Variants in LIG1 observed in about 807,000 individuals in gnomAD.
The protein encoded by LIG1 is ligase I, DNA, ATP-dependent.
In LIG1, 70 loss-of-function variants were observed where a neutral mutation model predicts 115.7. The observed-to-expected ratio is 0.60, with a 90% CI of 0.50 to 0.74. The LOEUF is 0.74. Among genes scored for constraint, LIG1 ranks in the 30% least tolerant of loss-of-function variants. The pLI, the probability that LIG1 is intolerant of heterozygous loss-of-function variation, is 0.00. For synonymous variants in LIG1, 487 were observed against 495.3 expected, an observed-to-expected ratio of 0.98 and a Z score of 0.22; for missense variants, 1,115 against 1,225.6, an observed-to-expected ratio of 0.91 and a Z score of 1.35.
intron 20 of LIG1, 159 bp downstream of exon 20, chr19:48,127,751 G>A (rs914383304): frequency 1.2e-5 from 9 of 762,976 alleles, no homozygotes; most frequent in African/African-American, 1.0e-4. Flanking sequence ...ATGAGAATGC[G>A]ATGGCTGGAG....
At chr19:48,157,726 T>G (rs529744652) in intron 4 of LIG1, among the ~76,000 whole-genome samples, 81 of 152,146 alleles carry the variant, frequency 5.3e-4, no homozygotes, top group African/African-American at 1.9e-3. Flanking sequence ...TGTATTTTTT[T>G]TATAGAGATG....
At position 48,133,103 on chromosome 19, in the gene LIG1, A is replaced by T; in HGVS notation, c.1610-6T>A. 1 of 1,583,640 alleles carries T rather than the reference A, an allele frequency of 6.3e-7. No individual in the cohort carries two copies. Among genetic ancestry groups the T allele is most frequent in the Non-Finnish European group, 8.7e-7 (1 of 1,152,284 alleles). ...CATTGGTTTCAGGGGAATCCCTGGG[A>T]AAGGAGGAGAGTGAGTTAGAGGAGA... On this transcript the variant is annotated splice_region_variant and splice_polypyrimidine_tract_variant and intron_variant, in intron 17 of 27. Transcript: ENST00000263274.
At position 48,139,868 on chromosome 19, in the gene LIG1, G is replaced by A. The variant is rs2034626703; in HGVS notation, c.1087+103C>T. On this transcript the variant is annotated intron_variant, in intron 12 of 27. Transcript: ENST00000263274. ...CCCTCTCAGCCTTCTCCTCAACCCT[G>A]TTTCACAGCCTCTCTCCACCATCTC... The A allele has an allele frequency of 6.6e-6, 9 of 1,373,032 alleles. No individual in the cohort carries two copies. The Middle Eastern group carries it at 5.3e-4, about 81-fold the overall frequency. 85.1% of individuals were successfully genotyped at this position (1,373,032 alleles called of 1,614,324 possible).
chr19:48,161,433 G>A lies in LIG1; in HGVS notation c.182C>T (p.Ala61Val). The change falls in exon 4 of 28, where the codon GCC becomes GTC. Residue 61 changes from alanine (A) to valine (V), a missense_variant. By Grantham distance (64) the Ala-to-Val change is moderately conservative (BLOSUM62 0). Transcript: ENST00000263274. ...TTCCCCTTCGCTGCCCAGGACCCGG[G>A]CCGCCTTCCTCCCTGGCCTCTTCAC... ...SPVKRPGRKA[A>V]RVLGSEGEEE... 1 of 1,614,128 alleles carries A rather than the reference G, an allele frequency of 6.2e-7. No individual in the cohort carries two copies. Among genetic ancestry groups the A allele is most frequent in the Non-Finnish European group, 8.5e-7 (1 of 1,180,026 alleles).
chr19:48,121,782 T>C (rs1370574673), intron 23 of LIG1, among the ~76,000 whole-genome samples: 1 of 152,034 alleles, frequency 6.6e-6, no homozygotes, highest in Non-Finnish European at 1.5e-5. Flanking sequence ...GCCTGGGCAA[T>C]GAGAGTGAAA....
chr19:48,140,210 TG>T, intron 11 of LIG1, 67 bp from the exon 12 acceptor site: 1 of 1,154,250 alleles, frequency 8.7e-7, no homozygotes, highest in Non-Finnish European at 1.3e-6. Flanking sequence ...CGGGGTGGGG[TG>T]GGTTTAAGGG....
chr19:48,158,439 T>C (rs2035982396), intron 4 of LIG1, among the ~76,000 whole-genome samples: 4 of 152,188 alleles, frequency 2.6e-5, no homozygotes, highest in Admixed American at 2.6e-4. Context: ...AAAATAAGTT[T>C]GCGTCTTGCC....
At chr19:48,119,763 G>A (rs936607166) in intron 24 of LIG1, among the ~76,000 whole-genome samples, 4 of 151,662 alleles carry the variant, frequency 2.6e-5, no homozygotes, top group Admixed American at 1.3e-4. Context: ...GGCTGGTCCC[G>A]AACTCCTGGG....
intron 11 of LIG1, among the ~76,000 whole-genome samples, chr19:48,142,447 A>AAAAAAAAAAAAAAAAAAAC (rs1431505727): frequency 6.7e-6 from 1 of 150,024 alleles, no homozygotes; most frequent in Non-Finnish European, 1.5e-5. Context: ...CATCTCAAAA[A>AAAAAAAAAAAAAAAAAAAC]AAAAAAAAAA....
At chr19:48,134,164 G>C (rs2034229612) in intron 16 of LIG1, 98 bp from the exon 17 acceptor site, 1 of 1,112,184 alleles carries the variant, frequency 9.0e-7, no homozygotes, top group Non-Finnish European at 1.3e-6. Context: ...TGGGCTCCTG[G>C]ATGCCTCTGC....
intron 19 of LIG1, 78 bp downstream of exon 19, chr19:48,130,998 C>T: frequency 8.5e-7 from 1 of 1,170,384 alleles, no homozygotes; most frequent in Non-Finnish European, 1.3e-6. Context: ...CTGTGCCACA[C>T]TGGCCTAGAT....
rs1599761140 is a variant in LIG1 at position 48,128,689 on chromosome 19, ACT to A, written c.1822-671_1822-670del. On this transcript the variant is annotated intron_variant, in intron 19 of 27. Transcript: ENST00000263274. ...AAGCCTTCTTTTCCCTCAAGGGAACACTGTTGCCCAAGCCGGGGGCAGCATTC... is the reference window on the plus strand; with the variant it reads ...AAGCCTTCTTTTCCCTCAAGGGAACAGTTGCCCAAGCCGGGGGCAGCATTC... Among the ~76,000 whole-genome samples, 5 of 152,326 alleles carry A rather than the reference ACT, an allele frequency of 3.3e-5. No homozygotes were observed. In the East Asian group the frequency reaches 9.6e-4, roughly 29 times the overall value.
chr19:48,124,179 C>CCT (rs1426105428), intron 21 of LIG1, among the ~76,000 whole-genome samples: 1 of 152,226 alleles, frequency 6.6e-6, no homozygotes, highest in Admixed American at 6.5e-5. Context: ...ACCTTCACCA[C>CCT]TTGCCCTCCA....
chr19:48,164,866 G>C (rs2036392848), intron 2 of LIG1, among the ~76,000 whole-genome samples: 1 of 152,204 alleles, frequency 6.6e-6, no homozygotes. Context: ...TGTTGGGGGG[G>C]CTGTCCTATG....
chr19:48,116,880 C>A (rs1272678247), intron 26 of LIG1, among the ~76,000 whole-genome samples: 1 of 152,194 alleles, frequency 6.6e-6, no homozygotes, highest in African/African-American at 2.4e-5. Context: ...GTGGCCCACA[C>A]CTGTAATCCC....
intron 7 of LIG1, 59 bp from the exon 8 acceptor site, chr19:48,150,269 CTTTTTTTTT>C (rs1412963492): frequency 1.3e-6 from 2 of 1,599,100 alleles, no homozygotes; most frequent in East Asian, 2.2e-5. Context: ...CTTTTTTTTT[CTTTTTTTTT>C]ACCCCCAAGA....
rs535022431 is a variant in LIG1 at position 48,154,398 on chromosome 19, G to A, written c.371-431C>T. 2.3e-4 allele frequency: 55 copies of A among 244,056 alleles called. 2 individuals carry two copies. In the South Asian group the frequency reaches 2.9e-3, roughly 13 times the overall value. The allele number at this position is 244,056 out of a possible 1,614,324, so 15.1% of individuals were successfully genotyped here. Reference sequence around the variant, plus strand: ...GCCCCAGGAGAGGCCCTCACCCCACGATCGGCAGGAGTTGGTGTATAAATA... The same window carrying A: ...GCCCCAGGAGAGGCCCTCACCCCACAATCGGCAGGAGTTGGTGTATAAATA... On this transcript the variant is annotated intron_variant, in intron 5 of 27. Transcript: ENST00000263274.
At position 48,130,036 on chromosome 19, in the gene LIG1, G is replaced by A. The variant is rs1470870801; in HGVS notation, c.1821+1040C>T. ...CTCCCAAAGTGCTGGGATTACAGGC[G>A]TGGGCCACTGCGCCCAGCGGAAATA... On this transcript the variant is annotated intron_variant, in intron 19 of 27. Coordinates refer to ENST00000263274, the MANE Select transcript of LIG1 (RefSeq NM_000234.3). Among the ~76,000 whole-genome samples, 9 of 152,238 alleles carry A rather than the reference G, an allele frequency of 5.9e-5. No individual in the cohort carries two copies. In the East Asian group the frequency reaches 9.6e-4, roughly 16 times the overall value.
In LIG1 at chr19:48,152,995, G is replaced by A. The variant is rs567598674; in HGVS notation, c.466+877C>T. ...GCAGATCATGTGAGCTCAGGAGTTCGAGACCAGCTTGGTCAACATAGTGAA... is the reference window on the plus strand; with the variant it reads ...GCAGATCATGTGAGCTCAGGAGTTCAAGACCAGCTTGGTCAACATAGTGAA... On this transcript the variant is annotated intron_variant, in intron 6 of 27. Transcript: ENST00000263274. 2.2e-4 allele frequency among the ~76,000 whole-genome samples: 33 copies of A among 152,108 alleles called. No individual in the cohort carries two copies. In the East Asian group the frequency reaches 3.9e-3, roughly 18 times the overall value.
Sources: gnomAD v4.1 joint callset for allele counts (sites outside exome capture counted in the v4.1 genomes callset) on GRCh38, gnomAD v4.1.1 for gene constraint, MANE v1.5 for transcripts, NCBI Gene and HGNC (gene_info 2026-07-23, HGNC 2026-07-21) for gene names.